The following SPON1 variants were observed in gnomAD, a reference collection of about 807,000 sequenced individuals.
SPON1 encodes spondin-1.
SPON1 carries 52 observed loss-of-function variants against 111.7 expected under a neutral mutation model. The ratio of observed to expected loss-of-function variants is 0.47; its 90% CI spans 0.37 to 0.59. SPON1 has a LOEUF of 0.59. Among genes scored for constraint, SPON1 ranks in the 20% least tolerant of loss-of-function variants. SPON1 has a pLI of 0.00. For synonymous variants in SPON1, 410 were observed against 395.8 expected (o/e 1.04, Z -0.43); for missense variants, 957 against 1,068.5 (o/e 0.90, Z 1.46).
chr11:13,998,865 A>G (rs1848294306), intron 2 of SPON1, among the ~76,000 whole-genome samples: 1 of 152,226 alleles, frequency 6.6e-6, no homozygotes. Flanking sequence ...TTTCAAATAC[A>G]TGATAGACTT....
chr11:14,262,626 T>C (rs1030629030), intron 14 of SPON1, 86 bp from the exon 15 acceptor site: 1 of 1,544,292 alleles, frequency 6.5e-7, no homozygotes, highest in South Asian at 1.2e-5. Flanking sequence ...GCATCCCTCA[T>C]AGGCTTGTTG....
intron 3 of SPON1, among the ~76,000 whole-genome samples, chr11:14,059,012 A>G (rs1281528536): frequency 1.3e-5 from 2 of 152,186 alleles, no homozygotes; most frequent in African/African-American, 2.4e-5. Flanking sequence ...CAATAGTTCT[A>G]TAACTAGAGG....
chr11:14,079,766 C>G, intron 4 of SPON1, 133 bp from the exon 5 acceptor site: 9 of 913,136 alleles, frequency 9.9e-6, no homozygotes, highest in Non-Finnish European at 1.5e-5. Context: ...TGATCTGGCT[C>G]TAAGTCTTAT....
chr11:14,006,869 A>G (rs1554913207), intron 2 of SPON1, among the ~76,000 whole-genome samples: 1 of 152,198 alleles, frequency 6.6e-6, no homozygotes, highest in Non-Finnish European at 1.5e-5. Context: ...GAGCTGCTGT[A>G]ACAAATTGCC....
chr11:14,037,020 C>T (rs1262594643), intron 2 of SPON1, among the ~76,000 whole-genome samples: 3 of 151,948 alleles, frequency 2.0e-5, no homozygotes, highest in Non-Finnish European at 2.9e-5. Context: ...AGTATAGCTA[C>T]CTTATTCAAG....
At chr11:13,992,579 G>A (rs975611574) in intron 2 of SPON1, among the ~76,000 whole-genome samples, 2 of 152,012 alleles carry the variant, frequency 1.3e-5, no homozygotes, top group East Asian at 1.9e-4. Flanking sequence ...GTTCTGTCTC[G>A]CTGCTGTTCC....
chr11:14,032,818 C>A (rs1554916221), intron 2 of SPON1, among the ~76,000 whole-genome samples: 1 of 152,100 alleles, frequency 6.6e-6, no homozygotes, highest in Non-Finnish European at 1.5e-5. Context: ...CCTCATTCCC[C>A]ACCCTGGTCC....
chr11:14,257,967 A>G (rs1337500742), intron 11 of SPON1, 69 bp downstream of exon 11: 1 of 1,412,438 alleles, frequency 7.1e-7, no homozygotes, highest in Non-Finnish European at 9.3e-7. Context: ...CCTAGCAGTC[A>G]GACAGTGTCC....
At chr11:14,122,071 T>C (rs533308069) in intron 5 of SPON1, among the ~76,000 whole-genome samples, 1 of 152,216 alleles carries the variant, frequency 6.6e-6, no homozygotes, top group African/African-American at 2.4e-5. Context: ...ATCATTCTCT[T>C]TGTTTTTATT....
chr11:14,263,372 TAC>T (rs1383155730), intron 15 of SPON1, among the ~76,000 whole-genome samples: 1 of 152,182 alleles, frequency 6.6e-6, no homozygotes, highest in Non-Finnish European at 1.5e-5. Context: ...GGGAAAATGA[TAC>T]AGATGTGTCA....
At chr11:14,233,758 C>CT (rs10610600) in intron 6 of SPON1, among the ~76,000 whole-genome samples, 29,454 of 96,786 alleles carry the variant, frequency 0.3, 4,683 homozygotes, top group Middle Eastern at 0.34. Context: ...GTTTCTTTTT[C>CT]TTTTTTTTTT....
chr11:14,065,183 A>G (rs1180056851), intron 3 of SPON1, among the ~76,000 whole-genome samples: 2 of 152,152 alleles, frequency 1.3e-5, no homozygotes, highest in African/African-American at 2.4e-5. Context: ...AGGAAACAGA[A>G]AGAAGGCAGG....
Position 14,265,743 on chromosome 11 carries a change from G to A in SPON1, c.*56G>A, listed in dbSNP as rs1175526417. On this transcript the variant is annotated 3_prime_UTR_variant, in exon 16 of 16. Transcript: ENST00000576479. ...TAGATTCCAGAGTCACCAATGGCTG[G>A]ATTATTTGCTTGTTTAAGACAATTT... The A allele has an allele frequency of 1.9e-6, 3 of 1,565,434 alleles. No individual in the cohort carries two copies. The highest frequency in any genetic ancestry group is 2.7e-5 in the African/African-American group (2 of 73,606).
At chr11:14,160,551 A>T (rs1591393475) in intron 6 of SPON1, among the ~76,000 whole-genome samples, 1 of 29,756 alleles carries the variant, frequency 3.4e-5, no homozygotes, top group Non-Finnish European at 5.2e-5. Context: ...ATATATTTAT[A>T]TATATATTTA....
intron 5 of SPON1, among the ~76,000 whole-genome samples, chr11:14,128,478 C>T (rs891658602): frequency 3.3e-5 from 5 of 152,196 alleles, no homozygotes; most frequent in Admixed American, 6.5e-5. Context: ...GGTGGGCTCC[C>T]GAGGCCTTGG....
chr11:14,065,705 C>A (rs990195476), intron 3 of SPON1, among the ~76,000 whole-genome samples: 14 of 152,180 alleles, frequency 9.2e-5, no homozygotes, highest in Non-Finnish European at 8.8e-5. Flanking sequence ...ATATTTCAGA[C>A]CTAATGGTGA....
Position 14,265,792 on chromosome 11 carries a change from T to C in SPON1, c.*105T>C. 7.6e-7 allele frequency: 1 copy of C among 1,324,394 alleles called. No individual in the cohort carries two copies. Among genetic ancestry groups the C allele is most frequent in the Non-Finnish European group, 1.0e-6 (1 of 971,314 alleles). The allele number at this position is 1,324,394 out of a possible 1,614,324, so 82.0% of individuals were successfully genotyped here. On this transcript the variant is annotated 3_prime_UTR_variant, in exon 16 of 16. Transcript: ENST00000576479. ...TTAAATTGTGTACGCTAGTTTTCAT[T>C]TTTGCAGTGTGGTTCGCCCAGTAGT...
chr11:14,146,150 CTTTTT>C (rs10674430), intron 6 of SPON1, among the ~76,000 whole-genome samples: 1 of 130,954 alleles, frequency 7.6e-6, no homozygotes, highest in African/African-American at 2.9e-5. Context: ...AATTACTATA[CTTTTT>C]TTTTTTTTTT....
chr11:14,172,300 T>G (rs1195220344), intron 6 of SPON1, among the ~76,000 whole-genome samples: 3 of 151,970 alleles, frequency 2.0e-5, no homozygotes, highest in East Asian at 1.9e-4. Flanking sequence ...TTTTATCCGA[T>G]ACTAGGGTTG....
Sources: gnomAD v4.1 joint callset for allele counts (sites outside exome capture counted in the v4.1 genomes callset) on GRCh38, gnomAD v4.1.1 for gene constraint, MANE v1.5 for transcripts, NCBI Gene and HGNC (gene_info 2026-07-23, HGNC 2026-07-21) for gene names.